EPHA4: variants seen among roughly 807,000 people sequenced by gnomAD.
EPHA4 encodes the protein ephrin type-A receptor 4.
EPHA4 carries 19 observed loss-of-function variants against 108.3 expected under a neutral mutation model. That is an observed-to-expected ratio of 0.18 (90% CI 0.12 to 0.26). The LOEUF is 0.26. EPHA4 is among the 10% of genes least tolerant of loss of function. EPHA4 has a pLI of 1.00. For synonymous variants in EPHA4, 449 were observed against 455.5 expected, an observed-to-expected ratio of 0.99 and a Z score of 0.18; for missense variants, 917 against 1,254.0, an observed-to-expected ratio of 0.73 and a Z score of 4.06.
In EPHA4 at chr2:221,436,390, C is replaced by A; in HGVS notation, c.2346+9G>T. The A allele has an allele frequency of 3.1e-6, 5 of 1,613,604 alleles. No individual in the cohort carries two copies. The highest frequency in any genetic ancestry group is 4.2e-6 in the Non-Finnish European group (5 of 1,179,522). On this transcript the variant is annotated intron_variant, in intron 13 of 17. Transcript: ENST00000281821. ...GAGTGAAAGCCCAGATGTCACCGAT[C>A]TTTCTTACCCTGGTGGTGTAAGCTG...
chr2:221,566,331 TGCAA>T (rs1559296728), intron 2 of EPHA4, among the ~76,000 whole-genome samples: 1 of 151,866 alleles, frequency 6.6e-6, no homozygotes, highest in African/African-American at 2.4e-5. Context: ...ATGTCCTAAC[TGCAA>T]GCAGAGATTT....
At chr2:221,472,887 A>C (rs575159088) in intron 5 of EPHA4, among the ~76,000 whole-genome samples, 46 of 152,220 alleles carry the variant, frequency 3.0e-4, no homozygotes, top group Non-Finnish European at 5.9e-4. Flanking sequence ...CAGTTCGTTT[A>C]GATCAGGCCT....
intron 3 of EPHA4, among the ~76,000 whole-genome samples, chr2:221,516,602 G>A (rs554430197): frequency 2.0e-5 from 3 of 152,074 alleles, no homozygotes; most frequent in Admixed American, 1.3e-4. Context: ...TGATCGGCCC[G>A]CCTCGGCCCA....
rs569659230 is a variant in EPHA4, at chr2:221,522,010, TAAAC to T, written c.824-20842_824-20839del. Reference sequence around the variant, plus strand: ...AAAAACAAACAAACAAAAAAACAAATAAACAAAAAACCCAAAATAGGCCGGAAAT... The same window carrying T: ...AAAAACAAACAAACAAAAAAACAAATAAAAAACCCAAAATAGGCCGGAAAT... On this transcript the variant is annotated intron_variant, in intron 3 of 17. Transcript: ENST00000281821. Among the ~76,000 whole-genome samples, 25 of 151,596 alleles carry T rather than the reference TAAAC, an allele frequency of 1.6e-4. No homozygotes were observed. In the South Asian group the frequency reaches 5.0e-3, roughly 30 times the overall value.
upstream of EPHA4, chr2:221,572,473 G>T (rs7608696): frequency 6.9e-3 from 2,288 of 331,648 alleles, 64 homozygotes; most frequent in African/African-American, 0.046. Context: ...CGGGCTCCAC[G>T]GGGCGCGCGG....
intron 17 of EPHA4, among the ~76,000 whole-genome samples, chr2:221,423,099 T>C (rs1441494307): frequency 2.6e-5 from 4 of 152,226 alleles, no homozygotes; most frequent in Non-Finnish European, 5.9e-5. Flanking sequence ...TGAATAATAC[T>C]TGGACAATGT....
chr2:221,440,575 G>C (rs1690391257), intron 11 of EPHA4, among the ~76,000 whole-genome samples: 2 of 150,128 alleles, frequency 1.3e-5, no homozygotes, highest in African/African-American at 4.9e-5. Context: ...TTCACCTTAT[G>C]CGGAAAATTA....
At chr2:221,569,404 TTC>T (rs200655480) in intron 1 of EPHA4, 2 of 148,184 alleles carry the variant, frequency 1.3e-5, no homozygotes, top group African/African-American at 2.4e-5. Flanking sequence ...ACCGAAAGTA[TTC>T]TCTCTTTCTC....
chr2:221,569,518 G>C (rs999107755), intron 1 of EPHA4: 6 of 152,234 alleles, frequency 3.9e-5, no homozygotes, highest in African/African-American at 1.4e-4. Context: ...TAGTGTGCTT[G>C]TGCTACACCT....
intron 3 of EPHA4, among the ~76,000 whole-genome samples, chr2:221,512,098 T>C (rs1388527480): frequency 1.3e-5 from 2 of 152,184 alleles, no homozygotes; most frequent in Non-Finnish European, 2.9e-5. Context: ...GAGATATAAA[T>C]TCAAGTAGAT....
At chr2:221,566,878 G>T (rs7586708) in intron 2 of EPHA4, among the ~76,000 whole-genome samples, 1 of 28,258 alleles carries the variant, frequency 3.5e-5, no homozygotes, top group Non-Finnish European at 6.3e-5. Flanking sequence ...GAAGAAGAAG[G>T]AGAAGGAGAA....
chr2:221,567,115 A>AC (rs1381190295), intron 2 of EPHA4, among the ~76,000 whole-genome samples: 1 of 152,150 alleles, frequency 6.6e-6, no homozygotes, highest in Admixed American at 6.5e-5. Context: ...CATATAGCTC[A>AC]CACATATATT....
intron 8 of EPHA4, among the ~76,000 whole-genome samples, 155 bp downstream of exon 8, chr2:221,455,392 G>T (rs965334058): frequency 2.0e-5 from 3 of 152,118 alleles, no homozygotes; most frequent in Non-Finnish European, 4.4e-5. Context: ...CTTTGGTAGG[G>T]GTGTGGGAAG....
chr2:221,454,674 C>A (rs1690887403), intron 8 of EPHA4, among the ~76,000 whole-genome samples: 1 of 152,118 alleles, frequency 6.6e-6, no homozygotes, highest in Non-Finnish European at 1.5e-5. Context: ...AGATGTGGGG[C>A]ACATATCAAT....
intron 3 of EPHA4, among the ~76,000 whole-genome samples, chr2:221,538,188 A>G (rs769162295): frequency 6.6e-6 from 1 of 152,316 alleles, no homozygotes; most frequent in Non-Finnish European, 1.5e-5. Flanking sequence ...ATAGGACACA[A>G]ATGAAAATCT....
intron 3 of EPHA4, among the ~76,000 whole-genome samples, chr2:221,526,852 CAAAAAAAAAAAAAAAAAAAAAAAA>C (rs528335766): frequency 2.1e-4 from 10 of 48,620 alleles, no homozygotes; most frequent in African/African-American, 4.1e-4. Context: ...GACTCGGCCT[CAAAAAAAAAAAAAAAAAAAAAAAA>C]AAAAAAAAAA....
chr2:221,564,166 C>T lies in EPHA4; in HGVS notation c.388G>A (p.Asp130Asn). The T allele has an allele frequency of 3.1e-6, 5 of 1,614,132 alleles. No individual in the cohort carries two copies. Among genetic ancestry groups the T allele is most frequent in the Non-Finnish European group, 3.4e-6 (4 of 1,180,028 alleles). ...ETFNLYYYES[D>N]NDKERFIREN... is the part of the protein sequence containing the mutation. The stretch of plus-strand genomic sequence containing the variant: ...CTGATGAAACGCTCTTTGTCGTTGT[C>T]TGATTCATAGTAGTACAGGTTAAAC... The change falls in exon 3 of 18, where the codon GAC becomes AAC. Residue 130 changes from aspartate to asparagine, a missense_variant. Physicochemically the swap from Asp to Asn is conservative, Grantham distance 23. Around this residue, in one of 3 missense-constraint regions of EPHA4, gnomAD observed 758 missense variants for 1,076.7 expected, o/e 0.70. Transcript: ENST00000281821.
Position 221,429,975 on chromosome 2 carries a change from T to C in EPHA4, c.2673A>G (p.Thr891=). Residue 891 remains threonine (T), a synonymous_variant, in exon 15 of 18, where the codon ACA becomes ACG. Coordinates refer to ENST00000281821, the MANE Select transcript of EPHA4 (RefSeq NM_004438.5). ...LIRNPNSLKR[T]GTESSRPNTA... ...TGGCTGACCTGGAGCTCTCCGTCCCTGTCCTCTTCAAGCTGTTGGGGTTGC... is the reference window on the plus strand; with the variant it reads ...TGGCTGACCTGGAGCTCTCCGTCCCCGTCCTCTTCAAGCTGTTGGGGTTGC... 1 of 1,614,116 alleles carries C rather than the reference T, an allele frequency of 6.2e-7. No homozygotes were observed. The highest frequency in any genetic ancestry group is 8.5e-7 in the Non-Finnish European group (1 of 1,180,012).
At chr2:221,499,865 C>A (rs1382140858) in intron 4 of EPHA4, among the ~76,000 whole-genome samples, 1 of 147,798 alleles carries the variant, frequency 6.8e-6, no homozygotes, top group Non-Finnish European at 1.5e-5. Flanking sequence ...TCAAGTGATT[C>A]TCCAGCCTCA....
Sources: allele counts gnomAD v4.1 joint callset (sites outside exome capture counted in the v4.1 genomes callset), GRCh38; gene constraint gnomAD v4.1.1; regional missense constraint gnomAD v4.1.1; transcripts MANE v1.5; gene names NCBI Gene and HGNC (gene_info 2026-07-23, HGNC 2026-07-21).